The following FAM168A variants were observed in gnomAD, a reference collection of about 807,000 sequenced individuals.
The protein encoded by FAM168A is family with sequence similarity 168 member A, also known as protein FAM168A.
In FAM168A, 3 loss-of-function variants were observed where a neutral mutation model predicts 28.5. The observed-to-expected ratio is 0.11, with a 90% CI of 0.05 to 0.27. The LOEUF is 0.27. Among genes scored for constraint, FAM168A ranks in the 10% least tolerant of loss-of-function variants. The pLI is 1.00. For synonymous variants in FAM168A, 122 were observed against 124.2 expected (o/e 0.98, Z 0.12); for missense variants, 222 against 311.5 (o/e 0.71, Z 2.16).
At chr11:73,470,060 T>A (rs1867792056) in intron 1 of FAM168A, among the ~76,000 whole-genome samples, 1 of 152,028 alleles carries the variant, frequency 6.6e-6, no homozygotes, top group African/African-American at 2.4e-5. Flanking sequence ...TACAGGCACG[T>A]GCCACCATGC....
chr11:73,492,883 G>GACCCA (rs1474165009), intron 1 of FAM168A, among the ~76,000 whole-genome samples: 1 of 152,176 alleles, frequency 6.6e-6, no homozygotes, highest in Non-Finnish European at 1.5e-5. Context: ...GATGCAGGTG[G>GACCCA]AGGCCATTAT....
At chr11:73,532,529 G>C (rs1293584067) in intron 1 of FAM168A, among the ~76,000 whole-genome samples, 1 of 152,114 alleles carries the variant, frequency 6.6e-6, no homozygotes, top group Non-Finnish European at 1.5e-5. Flanking sequence ...GTATTTCTTT[G>C]TGCCAAACCA....
intron 2 of FAM168A, among the ~76,000 whole-genome samples, chr11:73,465,154 G>A (rs1867715236): frequency 6.6e-6 from 1 of 150,984 alleles, no homozygotes; most frequent in African/African-American, 2.4e-5. Flanking sequence ...CAAGGAAACT[G>A]AGATGCAGAA....
chr11:73,508,648 C>A (rs1855161913), intron 1 of FAM168A, among the ~76,000 whole-genome samples: 1 of 151,782 alleles, frequency 6.6e-6, no homozygotes, highest in Non-Finnish European at 1.5e-5. Flanking sequence ...GTGTGTTTCC[C>A]CTGAGAGTAC....
At chr11:73,419,797 G>T (rs1565236554) in intron 4 of FAM168A, 77 bp downstream of exon 4, 1 of 1,542,974 alleles carries the variant, frequency 6.5e-7, no homozygotes, top group Admixed American at 2.0e-5. Flanking sequence ...ATTTTAAAAA[G>T]CTCCCTTTCC....
At chr11:73,597,578 C>A (rs1944451437) in intron 1 of FAM168A, among the ~76,000 whole-genome samples, 1 of 152,146 alleles carries the variant, frequency 6.6e-6, no homozygotes, top group East Asian at 1.9e-4. Context: ...TCCCCTCCCC[C>A]ATTAAAAGCC....
intron 2 of FAM168A, among the ~76,000 whole-genome samples, chr11:73,466,864 G>C (rs59534715): frequency 6.6e-6 from 1 of 152,226 alleles, no homozygotes; most frequent in African/African-American, 2.4e-5. Flanking sequence ...CAAAGGGCTT[G>C]CTTTTTACAG....
chr11:73,585,611 T>C (rs762432489), intron 1 of FAM168A, among the ~76,000 whole-genome samples: 4 of 152,180 alleles, frequency 2.6e-5, no homozygotes, highest in Admixed American at 1.3e-4. Context: ...CTCACGCCTG[T>C]AACTCCAACA....
At chr11:73,543,082 T>C (rs1943677939) in intron 1 of FAM168A, among the ~76,000 whole-genome samples, 1 of 152,068 alleles carries the variant, frequency 6.6e-6, no homozygotes. Flanking sequence ...TAACTGATTA[T>C]ATCTAAAATA....
chr11:73,456,211 AG>A (rs1259201173), intron 2 of FAM168A, among the ~76,000 whole-genome samples: 1 of 152,224 alleles, frequency 6.6e-6, no homozygotes, highest in Admixed American at 6.5e-5. Flanking sequence ...GTGGCAAGGC[AG>A]GTTTAAAATA....
chr11:73,464,624 G>A (rs1335150682), intron 2 of FAM168A, among the ~76,000 whole-genome samples: 1 of 152,206 alleles, frequency 6.6e-6, no homozygotes, highest in Non-Finnish European at 1.5e-5. Flanking sequence ...TGAATACACA[G>A]ACCCAGATGG....
intron 1 of FAM168A, among the ~76,000 whole-genome samples, chr11:73,511,117 T>C (rs992797166): frequency 4.0e-5 from 6 of 150,690 alleles, no homozygotes; most frequent in African/African-American, 1.5e-4. Context: ...CAAAGCCAAA[T>C]GGTGCAGAGC....
chr11:73,593,015 TAAG>T (rs1416107190), intron 1 of FAM168A, among the ~76,000 whole-genome samples: 1 of 152,122 alleles, frequency 6.6e-6, no homozygotes, highest in Non-Finnish European at 1.5e-5. Flanking sequence ...AGTTAAAAAA[TAAG>T]AATAAGAATA....
intron 2 of FAM168A, 60 bp from the exon 3 acceptor site, chr11:73,430,830 C>A: frequency 7.1e-7 from 1 of 1,404,134 alleles, no homozygotes; most frequent in Non-Finnish European, 9.7e-7. Context: ...CAAAACAAAA[C>A]AAAACAAAAA....
intron 4 of FAM168A, among the ~76,000 whole-genome samples, chr11:73,419,593 C>T (rs1434145867): frequency 3.3e-5 from 5 of 152,274 alleles, no homozygotes; most frequent in African/African-American, 1.2e-4. Flanking sequence ...GTCCTTTCCC[C>T]CTAAAATGCA....
rs1866973384 is a variant in FAM168A, at chr11:73,430,723, G to T, written c.118C>A (p.Leu40Met). 6.2e-7 allele frequency: 1 copy of T among 1,613,876 alleles called. No individual in the cohort carries two copies. The highest frequency in any genetic ancestry group is 1.3e-5 in the African/African-American group (1 of 75,012). ...TAACTGGGACTATTGGTGGGGTACAGGCTGGGATTGTAGGCAGGGGCAGCT... is the reference window on the plus strand; with the variant it reads ...TAACTGGGACTATTGGTGGGGTACATGCTGGGATTGTAGGCAGGGGCAGCT... ...PAAAPAYNPS[L>M]YPTNSPSYAP... Residue 40 changes from leucine to methionine, a missense_variant, in exon 3 of 8, where the codon CTG (leucine) becomes ATG (methionine). Leu to Met is a conservative substitution (Grantham distance 15). Around this residue, in one of 3 missense-constraint regions of FAM168A, gnomAD observed 153 missense variants for 189.2 expected, o/e 0.81. Coordinates refer to ENST00000356467, the MANE Select transcript of FAM168A (RefSeq NM_015159.3).
intron 1 of FAM168A, among the ~76,000 whole-genome samples, chr11:73,592,222 G>T (rs968496644): frequency 2.4e-4 from 37 of 152,196 alleles, no homozygotes; most frequent in African/African-American, 8.7e-4. Context: ...ATTCTGAAAG[G>T]ACCCAGACAC....
At chr11:73,561,012 A>G (rs1021927579) in intron 1 of FAM168A, among the ~76,000 whole-genome samples, 2 of 150,446 alleles carry the variant, frequency 1.3e-5, no homozygotes. Flanking sequence ...CAGTGAGCCA[A>G]GATTGCGCCA....
intron 2 of FAM168A, among the ~76,000 whole-genome samples, chr11:73,458,467 A>T (rs146159647): frequency 1.3e-3 from 202 of 152,348 alleles, no homozygotes; most frequent in African/African-American, 4.4e-3. Context: ...CATCACACAC[A>T]GTATCTGAGA....
Sources: allele counts gnomAD v4.1 joint callset (sites outside exome capture counted in the v4.1 genomes callset), GRCh38; gene constraint gnomAD v4.1.1; regional missense constraint gnomAD v4.1.1; transcripts MANE v1.5; gene names NCBI Gene and HGNC (gene_info 2026-07-23, HGNC 2026-07-21).